The following ABCC4 variants were observed in gnomAD, a reference collection of about 807,000 sequenced individuals.
ABCC4 encodes the protein ATP binding cassette subfamily C member 4 (PEL blood group), also known as ATP-binding cassette sub-family C member 4.
Under a neutral mutation model 168.5 loss-of-function variants are expected in ABCC4, and 102 were observed. That is an observed-to-expected ratio of 0.61 (90% CI 0.52 to 0.71). ABCC4 has a LOEUF of 0.71. Ranked by LOEUF, ABCC4 falls within the 30% of genes least tolerant of loss-of-function variation. The pLI is 0.00. For missense variants in ABCC4, 1,402 were observed against 1,605.8 expected, an observed-to-expected ratio of 0.87 and a Z score of 2.17; for synonymous variants, 617 against 590.7, an observed-to-expected ratio of 1.04 and a Z score of -0.65.
intron 4 of ABCC4, among the ~76,000 whole-genome samples, chr13:95,213,148 C>A (rs2039011119): frequency 6.6e-6 from 1 of 150,822 alleles, no homozygotes; most frequent in Admixed American, 6.6e-5. Context: ...AAGAGGAAGA[C>A]ACAGCTGACA....
At chr13:95,300,000 C>T (rs55667930) in intron 1 of ABCC4, among the ~76,000 whole-genome samples, 1 of 152,174 alleles carries the variant, frequency 6.6e-6, no homozygotes, top group Non-Finnish European at 1.5e-5. Flanking sequence ...CTCCACCACA[C>T]CCGGCTAATT....
chr13:95,253,373 T>C (rs547420815), intron 1 of ABCC4, among the ~76,000 whole-genome samples: 138 of 152,286 alleles, frequency 9.1e-4, no homozygotes, highest in African/African-American at 3.2e-3. Context: ...TTCTGTGTTG[T>C]TTGCTGCTAA....
rs538728157 is a variant in ABCC4 at position 95,120,663 on chromosome 13, T to C, written c.2456-4662A>G. ...GAGAGGGTGGACCCTCAGGTACCCA[T>C]AGTTGATGGTAGGTGGAGTGTGCAA... On this transcript the variant is annotated intron_variant, in intron 19 of 30. Coordinates refer to ENST00000645237, the MANE Select transcript of ABCC4 (RefSeq NM_005845.5). Among the ~76,000 whole-genome samples, 7 of 150,414 alleles carry C rather than the reference T, an allele frequency of 4.7e-5. No homozygotes were observed. The South Asian group carries it at 1.3e-3, about 27-fold the overall frequency.
At chr13:95,223,133 C>T (rs919650739) in intron 4 of ABCC4, among the ~76,000 whole-genome samples, 2 of 152,016 alleles carry the variant, frequency 1.3e-5, no homozygotes, top group African/African-American at 4.8e-5. Flanking sequence ...AAAGTTCTGC[C>T]CTAACAAAGC....
intron 19 of ABCC4, among the ~76,000 whole-genome samples, chr13:95,132,212 A>T (rs2035990794): frequency 6.6e-6 from 1 of 151,994 alleles, no homozygotes; most frequent in African/African-American, 2.4e-5. Context: ...ATATAATTTT[A>T]TTTTTTATTT....
intron 6 of ABCC4, among the ~76,000 whole-genome samples, chr13:95,208,731 G>A (rs778793824): frequency 2.8e-5 from 4 of 141,402 alleles, no homozygotes; most frequent in South Asian, 2.2e-4. Flanking sequence ...AGTGATTCTC[G>A]TGCCTGAGCC....
chr13:95,118,830 G>C (rs1288176553), intron 19 of ABCC4, among the ~76,000 whole-genome samples: 1 of 152,136 alleles, frequency 6.6e-6, no homozygotes, highest in Non-Finnish European at 1.5e-5. Context: ...TTGCCTTCCG[G>C]GAACATCCAA....
chr13:95,264,307 C>T (rs7328332), intron 1 of ABCC4, among the ~76,000 whole-genome samples: 13,707 of 152,170 alleles, frequency 0.09, 1,337 homozygotes, highest in African/African-American at 0.24. Context: ...AAGCCATCCA[C>T]GGTTGCTAAA....
chr13:95,036,778 T>C (rs2032139560), intron 29 of ABCC4, among the ~76,000 whole-genome samples: 1 of 152,082 alleles, frequency 6.6e-6, no homozygotes. Flanking sequence ...AATATTTTTT[T>C]GATATGCATT....
At chr13:95,189,417 G>A (rs1485477875) in intron 9 of ABCC4, among the ~76,000 whole-genome samples, 1 of 152,064 alleles carries the variant, frequency 6.6e-6, no homozygotes, top group South Asian at 2.1e-4. Flanking sequence ...CACCGCGCCC[G>A]GCAATATTCT....
At chr13:95,247,621 C>A (rs759686017) in intron 2 of ABCC4, 22 bp downstream of exon 2, 116 of 1,589,416 alleles carry the variant, frequency 7.3e-5, no homozygotes, top group Non-Finnish European at 9.8e-5. Context: ...CCTTAATGCC[C>A]ACTTTACTGC....
Position 95,080,445 on chromosome 13 carries a change from T to A in ABCC4, c.2686+2695A>T, listed in dbSNP as rs539195101. ...TCAGTTTCACTCTTGTTGCCCAGGC[T>A]GGAGTGCAATGGTGCAATCTCGGCT... On this transcript the variant is annotated intron_variant, in intron 21 of 30. Coordinates refer to ENST00000645237, the MANE Select transcript of ABCC4 (RefSeq NM_005845.5). Among the ~76,000 whole-genome samples, 15 of 152,324 alleles carry A rather than the reference T, an allele frequency of 9.8e-5. No homozygotes were observed. In the East Asian group the frequency reaches 1.4e-3, roughly 14 times the overall value.
chr13:95,029,834 G>A (rs1333897503), intron 30 of ABCC4, among the ~76,000 whole-genome samples: 1 of 152,178 alleles, frequency 6.6e-6, no homozygotes, highest in African/African-American at 2.4e-5. Context: ...AGAAACCGGA[G>A]CAGTACTGCA....
chr13:95,227,187 A>C (rs4773855), intron 4 of ABCC4, among the ~76,000 whole-genome samples: 116,392 of 152,110 alleles, frequency 0.77, 45,008 homozygotes, highest in Non-Finnish European at 0.84. Context: ...CCAGCAGCAG[A>C]AATTTCCTCT....
intron 8 of ABCC4, among the ~76,000 whole-genome samples, chr13:95,202,061 T>G (rs1177517200): frequency 6.6e-6 from 1 of 152,220 alleles, no homozygotes; most frequent in Non-Finnish European, 1.5e-5. Flanking sequence ...TGTCTGGGTA[T>G]CAATGGGAAA....
At chr13:95,272,919 CAT>C (rs10607589) in intron 1 of ABCC4, among the ~76,000 whole-genome samples, 15,739 of 151,084 alleles carry the variant, frequency 0.1, 980 homozygotes, top group East Asian at 0.24. Flanking sequence ...ATAAAATAAA[CAT>C]GTGCTGGACA....
rs553231379 is a variant in ABCC4, at chr13:95,251,736, G to A, written c.75-3983C>T. Among the ~76,000 whole-genome samples the A allele has an allele frequency of 4.1e-4, 63 of 152,278 alleles. 1 individual carries two copies. Among genetic ancestry groups the A allele is most frequent in the African/African-American group, 1.5e-3 (62 of 41,566 alleles). On this transcript the variant is annotated intron_variant, in intron 1 of 30. Transcript: ENST00000645237. The stretch of plus-strand genomic sequence containing the variant: ...CTAAGCTGAGAGTTTAGAGAACAAG[G>A]AAGGCTAAGGGCAGGTTGAATGAAA...
chr13:95,178,387 C>CGA (rs1423062103), intron 11 of ABCC4, among the ~76,000 whole-genome samples: 1 of 152,102 alleles, frequency 6.6e-6, no homozygotes, highest in Admixed American at 6.5e-5. Flanking sequence ...AATTCAGCAG[C>CGA]GAAAGAGTTT....
intron 3 of ABCC4, among the ~76,000 whole-genome samples, chr13:95,237,579 G>T (rs1277122949): frequency 6.6e-6 from 1 of 152,064 alleles, no homozygotes; most frequent in Non-Finnish European, 1.5e-5. Context: ...CATACTTCAG[G>T]TTCTACTGGA....
Sources: allele counts gnomAD v4.1 joint callset (sites outside exome capture counted in the v4.1 genomes callset), GRCh38; gene constraint gnomAD v4.1.1; transcripts MANE v1.5; gene names NCBI Gene and HGNC (gene_info 2026-07-23, HGNC 2026-07-21).